The following GAB1 variants were observed in gnomAD, a reference collection of about 807,000 sequenced individuals.
The protein encoded by GAB1 is GRB2 associated binding protein 1.
In GAB1, 19 loss-of-function variants were observed where a neutral mutation model predicts 66.5. The observed-to-expected ratio is 0.29, with a 90% confidence interval of 0.20 to 0.42. The LOEUF is 0.42. Ranked by LOEUF, GAB1 falls within the 10% of genes least tolerant of loss-of-function variation. GAB1 has a pLI of 1.00. For synonymous variants in GAB1, 294 were observed against 301.4 expected (o/e 0.98, Z 0.25); for missense variants, 732 against 858.5 (o/e 0.85, Z 1.84).
Position 143,473,873 on chromosome 4 carries a change from G to A in GAB1, c.*4684G>A, listed in dbSNP as rs1464184210. ...ATCATATTTGGGAAGTTTGGGTAGGGTGAGGCTATCTTCTTCAAGATTATT... is the reference window on the plus strand; with the variant it reads ...ATCATATTTGGGAAGTTTGGGTAGGATGAGGCTATCTTCTTCAAGATTATT... On this transcript the variant is annotated 3_prime_UTR_variant, in exon 10 of 10. Transcript: ENST00000262994. 6.6e-6 allele frequency: 1 copy of A among 152,174 alleles called. No homozygotes were observed. The highest frequency in any genetic ancestry group is 1.5e-5 in the Non-Finnish European group (1 of 68,032). The allele number at this position is 152,174 out of a possible 1,614,324, so 9.4% of individuals were successfully genotyped here. A position where few individuals can be genotyped will look rare whatever the true frequency, so the allele number is the denominator to read the frequency against.
rs529725895 is a variant in GAB1, at chr4:143,469,248, T to C, written c.*59T>C. The C allele has an allele frequency of 3.9e-5, 61 of 1,551,154 alleles. No homozygotes were observed. The highest frequency in any genetic ancestry group is 1.7e-4 in the Middle Eastern group (1 of 5,946). On this transcript the variant is annotated 3_prime_UTR_variant, in exon 10 of 10. Coordinates refer to ENST00000262994, the MANE Select transcript of GAB1 (RefSeq NM_002039.4). ...ACTGAATTGTAAAGATAAATCCCTT[T>C]TGAAGAATGACTTGACACTTCCACT...
intron 1 of GAB1, among the ~76,000 whole-genome samples, chr4:143,404,776 G>C (rs1048516089): frequency 6.6e-6 from 1 of 152,142 alleles, no homozygotes; most frequent in African/African-American, 2.4e-5. Context: ...CAACTGCATT[G>C]TCCATATGAT....
intron 8 of GAB1, among the ~76,000 whole-genome samples, chr4:143,465,617 G>A (rs1168730847): frequency 3.3e-5 from 5 of 152,094 alleles, no homozygotes; most frequent in African/African-American, 4.8e-5. Context: ...TAGAATGTAT[G>A]CCTTTCAGGA....
At chr4:143,389,895 T>C (rs1212881453) in intron 1 of GAB1, among the ~76,000 whole-genome samples, 3 of 152,222 alleles carry the variant, frequency 2.0e-5, no homozygotes, top group Non-Finnish European at 2.9e-5. Context: ...CACTTGACTC[T>C]GCCAGCCCCC....
intron 9 of GAB1, among the ~76,000 whole-genome samples, chr4:143,468,304 AC>A (rs925332084): frequency 1.4e-4 from 17 of 119,972 alleles, no homozygotes; most frequent in African/African-American, 5.2e-4. Flanking sequence ...AACCTCTGCC[AC>A]CCGGGTTCAA....
At chr4:143,457,891 C>A (rs1007302763) in intron 6 of GAB1, 53 of 598,568 alleles carry the variant, frequency 8.9e-5, no homozygotes, top group Non-Finnish European at 1.4e-4. Flanking sequence ...ATAAAACTTT[C>A]CTGCACATTA....
At chr4:143,363,399 A>G (rs79650727) in intron 1 of GAB1, among the ~76,000 whole-genome samples, 67 of 152,296 alleles carry the variant, frequency 4.4e-4, no homozygotes, top group African/African-American at 1.4e-3. Flanking sequence ...CTTGCAGAGT[A>G]AGAGAAGTAG....
intron 1 of GAB1, among the ~76,000 whole-genome samples, chr4:143,363,126 A>G (rs1471720965): frequency 6.6e-6 from 1 of 152,176 alleles, no homozygotes; most frequent in Non-Finnish European, 1.5e-5. Context: ...CTGCTTCAAC[A>G]CCTCTCTTCC....
At chr4:143,353,291 T>A in intron 1 of GAB1, among the ~76,000 whole-genome samples, 1 of 152,240 alleles carries the variant, frequency 6.6e-6, no homozygotes. Context: ...TTAGTTGAGG[T>A]GTGGTTGATT....
rs531508334 is a variant in GAB1, at chr4:143,451,204, T to A, written c.1586-8181T>A. ...CCTGAGGAAAGTCTGAGAGTGTGAG[T>A]GGCAATTAAATGATGGTAGGGGAGG... is the stretch of plus-strand genomic sequence containing the variant. On this transcript the variant is annotated intron_variant, in intron 6 of 9. Transcript: ENST00000262994. 2.0e-5 allele frequency among the ~76,000 whole-genome samples: 3 copies of A among 152,034 alleles called. No individual in the cohort carries two copies. In the South Asian group the frequency reaches 6.2e-4, roughly 32 times the overall value.
intron 1 of GAB1, among the ~76,000 whole-genome samples, chr4:143,362,911 G>A (rs898753805): frequency 2.0e-5 from 3 of 152,200 alleles, no homozygotes; most frequent in Non-Finnish European, 4.4e-5. Context: ...TGGTTCAAAT[G>A]CCTCTGACAC....
intron 1 of GAB1, among the ~76,000 whole-genome samples, chr4:143,408,875 CCA>C (rs1348276181): frequency 6.6e-6 from 1 of 152,026 alleles, no homozygotes; most frequent in African/African-American, 2.4e-5. Context: ...ACTTTTTTCC[CCA>C]CACTTTCTCA....
intron 1 of GAB1, among the ~76,000 whole-genome samples, chr4:143,415,043 T>C (rs915248294): frequency 1.3e-5 from 2 of 152,174 alleles, no homozygotes; most frequent in African/African-American, 4.8e-5. Context: ...ATTTGACTAC[T>C]TGAACTACCT....
intron 6 of GAB1, among the ~76,000 whole-genome samples, chr4:143,457,418 G>A (rs191778119): frequency 2.2e-4 from 34 of 152,100 alleles, no homozygotes; most frequent in Admixed American, 1.2e-3. Flanking sequence ...GCTGGTTATC[G>A]CACTAAAATC....
At chr4:143,430,834 GATTA>G (rs1459230644) in intron 2 of GAB1, among the ~76,000 whole-genome samples, 1 of 152,118 alleles carries the variant, frequency 6.6e-6, no homozygotes, top group Non-Finnish European at 1.5e-5. Flanking sequence ...TCTTTTGCAA[GATTA>G]ATTTTTACAA....
chr4:143,346,807 G>C (rs140520948), intron 1 of GAB1, among the ~76,000 whole-genome samples: 2 of 152,318 alleles, frequency 1.3e-5, no homozygotes, highest in South Asian at 4.1e-4. Context: ...TATTTGGGAA[G>C]GTACTTTGTT....
intron 6 of GAB1, among the ~76,000 whole-genome samples, chr4:143,441,005 A>G (rs1734199485): frequency 6.6e-6 from 1 of 152,238 alleles, no homozygotes; most frequent in South Asian, 2.1e-4. Flanking sequence ...GTGAGACTGT[A>G]TAATCTTTCC....
intron 9 of GAB1, among the ~76,000 whole-genome samples, chr4:143,468,817 G>A (rs1735934982): frequency 6.6e-6 from 1 of 152,172 alleles, no homozygotes; most frequent in South Asian, 2.1e-4. Context: ...CAGCTACTCA[G>A]GAGGCTGAGA....
chr4:143,378,407 G>C lies in GAB1; in HGVS notation c.73-37070G>C, dbSNP rs924432880. On this transcript the variant is annotated intron_variant, in intron 1 of 9. Coordinates refer to ENST00000262994, the MANE Select transcript of GAB1 (RefSeq NM_002039.4). ...TGATTTGCAAACTGTAAAGTCCTAT[G>C]CAAATATACAATATATGTTCTGGTT... Among the ~76,000 whole-genome samples, 5 of 152,170 alleles carry C rather than the reference G, an allele frequency of 3.3e-5. No homozygotes were observed. The East Asian group carries it at 9.6e-4, about 29-fold the overall frequency.
Sources: gnomAD v4.1 joint callset for allele counts (sites outside exome capture counted in the v4.1 genomes callset) on GRCh38, gnomAD v4.1.1 for gene constraint, MANE v1.5 for transcripts, NCBI Gene and HGNC (gene_info 2026-07-23, HGNC 2026-07-21) for gene names.